ANO4: variants seen among roughly 807,000 people sequenced by gnomAD.
The protein encoded by ANO4 is anoctamin-4.
A neutral mutation model predicts 141.9 loss-of-function variants in ANO4; 69 were observed. The ratio of observed to expected loss-of-function variants is 0.49; its 90% CI spans 0.40 to 0.59. The LOEUF is 0.59. Among genes scored for constraint, ANO4 ranks in the 20% least tolerant of loss-of-function variants. The probability of loss-of-function intolerance (pLI) is 0.00; values close to 1 mark genes in which losing one functional copy is unlikely to be tolerated. For synonymous variants in ANO4, 350 were observed against 394.3 expected, an observed-to-expected ratio of 0.89 and a Z score of 1.33; for missense variants, 894 against 1,162.2, an observed-to-expected ratio of 0.77 and a Z score of 3.36.
intron 1 of ANO4, among the ~76,000 whole-genome samples, chr12:100,799,211 C>T (rs1025281411): frequency 5.3e-5 from 8 of 152,126 alleles, no homozygotes; most frequent in Non-Finnish European, 8.8e-5. Context: ...TAATTCACTT[C>T]TATTTGCTAC....
Position 101,073,146 on chromosome 12 carries a change from G to A in ANO4, c.1313-6047G>A, listed in dbSNP as rs559963815. 1.4e-3 allele frequency among the ~76,000 whole-genome samples: 219 copies of A among 152,154 alleles called. 1 individual carries two copies. Among genetic ancestry groups the A allele is most frequent in the African/African-American group, 4.7e-3 (197 of 41,490 alleles). ...AGACACATGCACACATGTTTATTGC[G>A]GCACTATTCACAATAGCAAAGACTT... On this transcript the variant is annotated intron_variant, in intron 14 of 27. Coordinates refer to ENST00000392977, the MANE Select transcript of ANO4 (RefSeq NM_001286615.2).
intron 1 of ANO4, among the ~76,000 whole-genome samples, chr12:100,898,251 G>T (rs2040435090): frequency 6.6e-6 from 1 of 152,072 alleles, no homozygotes; most frequent in Admixed American, 6.5e-5. Flanking sequence ...TAATTTATTG[G>T]CTGACAATTC....
chr12:100,804,375 A>G (rs2034874839), intron 1 of ANO4, among the ~76,000 whole-genome samples: 1 of 152,184 alleles, frequency 6.6e-6, no homozygotes, highest in Non-Finnish European at 1.5e-5. Flanking sequence ...GGTTGGTTCC[A>G]TGTCTTTGCT....
chr12:100,760,363 C>T (rs1256378730), intron 3 of ANO4, among the ~76,000 whole-genome samples: 7 of 152,106 alleles, frequency 4.6e-5, no homozygotes, highest in African/African-American at 9.7e-5. Context: ...GGTGAATAAC[C>T]TCCCCAAAGT....
chr12:100,815,413 T>C (rs892096939), intron 1 of ANO4, among the ~76,000 whole-genome samples: 1 of 152,190 alleles, frequency 6.6e-6, no homozygotes, highest in Admixed American at 6.6e-5. Flanking sequence ...TAGATAAATA[T>C]GAATATTCTG....
In ANO4 at chr12:101,035,906, C is replaced by G. The variant is rs368525557; in HGVS notation, c.842-1189C>G. Among the ~76,000 whole-genome samples, 6 of 152,216 alleles carry G rather than the reference C, an allele frequency of 3.9e-5. 1 individual carries two copies. The highest frequency in any genetic ancestry group is 1.4e-4 in the African/African-American group (6 of 41,560). On this transcript the variant is annotated intron_variant, in intron 9 of 27. Transcript: ENST00000392977. ...TGGAAAACTACCTGTCAGTACTATGCTCATTACCTGGGTGACATAATAATT... is the reference window on the plus strand; with the variant it reads ...TGGAAAACTACCTGTCAGTACTATGGTCATTACCTGGGTGACATAATAATT...
intron 1 of ANO4, among the ~76,000 whole-genome samples, chr12:100,720,407 G>A (rs545033349): frequency 1.3e-5 from 2 of 151,914 alleles, no homozygotes; most frequent in East Asian, 2.0e-4. Context: ...TTGGCAATGT[G>A]AACAGTAAGT....
In ANO4 at chr12:101,096,473, A is replaced by G. The variant is rs547595454; in HGVS notation, c.1739-63A>G. The G allele has an allele frequency of 3.9e-6, 5 of 1,296,646 alleles. No individual in the cohort carries two copies. In the South Asian group the frequency reaches 6.1e-5, roughly 16 times the overall value. 80.3% of individuals were successfully genotyped at this position (1,296,646 alleles called of 1,614,324 possible). On this transcript the variant is annotated intron_variant, in intron 18 of 27. Transcript: ENST00000392977. ...CCACCCTGTGTGTGTGGGGAGGGAAAGAGAGGGAGTTGAGAGGGGATGAGA... is the reference window on the plus strand; with the variant it reads ...CCACCCTGTGTGTGTGGGGAGGGAAGGAGAGGGAGTTGAGAGGGGATGAGA...
intron 8 of ANO4, among the ~76,000 whole-genome samples, chr12:101,011,351 C>A (rs2046086334): frequency 7.1e-6 from 1 of 140,612 alleles, no homozygotes; most frequent in Non-Finnish European, 1.5e-5. Flanking sequence ...CTACCACAGA[C>A]TGCTGTCTGG....
At chr12:100,981,215 T>TA (rs2044445027) in intron 7 of ANO4, among the ~76,000 whole-genome samples, 2 of 152,218 alleles carry the variant, frequency 1.3e-5, no homozygotes, top group Admixed American at 1.3e-4. Context: ...GAGTCTTCTA[T>TA]AAGGTATTTA....
chr12:100,809,379 T>G (rs1593388666), intron 1 of ANO4, among the ~76,000 whole-genome samples: 1 of 136,072 alleles, frequency 7.3e-6, no homozygotes, highest in East Asian at 2.1e-4. Context: ...AGAGCAAGAT[T>G]CTGTCTCAAA....
chr12:100,989,284 G>T (rs1055180756), intron 8 of ANO4, among the ~76,000 whole-genome samples: 1 of 152,090 alleles, frequency 6.6e-6, no homozygotes, highest in Non-Finnish European at 1.5e-5. Context: ...CAGAGATCAG[G>T]GTGTTTTCTT....
chr12:101,097,416 C>T (rs924626518), intron 19 of ANO4, among the ~76,000 whole-genome samples: 2 of 152,146 alleles, frequency 1.3e-5, no homozygotes, highest in African/African-American at 4.8e-5. Flanking sequence ...CCACAGCAAG[C>T]AGCAAGAACT....
intron 5 of ANO4, among the ~76,000 whole-genome samples, chr12:100,960,922 A>G (rs2043392130): frequency 6.6e-6 from 1 of 152,178 alleles, no homozygotes; most frequent in Non-Finnish European, 1.5e-5. Flanking sequence ...AAGTGAAGGG[A>G]CGTTTGGAAT....
intron 3 of ANO4, among the ~76,000 whole-genome samples, chr12:100,928,951 G>A (rs1467450080): frequency 3.3e-5 from 5 of 152,032 alleles, no homozygotes; most frequent in Non-Finnish European, 5.9e-5. Context: ...GCCAGGTGAT[G>A]ACAATGACAT....
At chr12:101,068,473 T>C (rs1329779978) in intron 14 of ANO4, 2 of 957,602 alleles carry the variant, frequency 2.1e-6, no homozygotes, top group Non-Finnish European at 3.4e-6. Context: ...AGTGGCTTTC[T>C]TCTCACCCTG....
At chr12:100,833,783 C>A (rs1467569968) in intron 1 of ANO4, among the ~76,000 whole-genome samples, 1 of 152,042 alleles carries the variant, frequency 6.6e-6, no homozygotes, top group African/African-American at 2.4e-5. Context: ...CCTTCCCCAC[C>A]CATCCAGATG....
rs187554600 is a variant in ANO4, at chr12:101,026,508, T to C, written c.841+6368T>C. ...AGTCAAATTCCCAGAAGGTGTTTTGTGTGTGTATATGTGAAAATTGACAAA... is the reference window on the plus strand; with the variant it reads ...AGTCAAATTCCCAGAAGGTGTTTTGCGTGTGTATATGTGAAAATTGACAAA... On this transcript the variant is annotated intron_variant, in intron 9 of 27. Transcript: ENST00000392977. 3.3e-3 allele frequency among the ~76,000 whole-genome samples: 509 copies of C among 152,220 alleles called. 6 individuals carry two copies. The highest frequency in any genetic ancestry group is 0.012 in the African/African-American group (481 of 41,530).
intron 3 of ANO4, among the ~76,000 whole-genome samples, chr12:100,774,450 C>A (rs1295198597): frequency 6.6e-6 from 1 of 152,126 alleles, no homozygotes; most frequent in Non-Finnish European, 1.5e-5. Flanking sequence ...AAAAAGAGAT[C>A]AACATCTTGA....
Sources: allele counts gnomAD v4.1 joint callset (sites outside exome capture counted in the v4.1 genomes callset), GRCh38; gene constraint gnomAD v4.1.1; transcripts MANE v1.5; gene names NCBI Gene and HGNC (gene_info 2026-07-23, HGNC 2026-07-21).